PRKN: variants seen among roughly 807,000 people sequenced by gnomAD.
The protein encoded by PRKN is parkin RBR E3 ubiquitin protein ligase.
In PRKN, 56 loss-of-function variants were observed where a neutral mutation model predicts 59.5. The observed-to-expected ratio is 0.94, with a 90% CI of 0.76 to 1.18. PRKN has a LOEUF of 1.18. Ranked by LOEUF, PRKN falls within the 50% of genes most tolerant of loss-of-function variation. The pLI, the probability that PRKN is intolerant of heterozygous loss-of-function variation, is 0.00. For synonymous variants in PRKN, 250 were observed against 222.1 expected, an observed-to-expected ratio of 1.13 and a Z score of -1.12; for missense variants, 657 against 596.4, an observed-to-expected ratio of 1.10 and a Z score of -1.06.
intron 7 of PRKN, among the ~76,000 whole-genome samples, chr6:161,748,785 G>A (rs1053453271): frequency 3.9e-5 from 6 of 152,166 alleles, no homozygotes; most frequent in African/African-American, 1.4e-4. Flanking sequence ...AAACCTCTAA[G>A]AGAATTTCCC....
intron 7 of PRKN, chr6:161,783,680 G>A (rs759096254): frequency 5.9e-6 from 3 of 507,044 alleles, no homozygotes; most frequent in South Asian, 4.4e-5. Flanking sequence ...GAAGGCAGAA[G>A]GCTTACCAAA....
At chr6:161,890,399 T>C (rs150479369) in intron 6 of PRKN, among the ~76,000 whole-genome samples, 1 of 152,250 alleles carries the variant, frequency 6.6e-6, no homozygotes, top group African/African-American at 2.4e-5. Flanking sequence ...ACTCAGTAAA[T>C]GACACAGAGC....
intron 1 of PRKN, among the ~76,000 whole-genome samples, chr6:162,717,397 C>A (rs1040783976): frequency 1.3e-5 from 2 of 151,900 alleles, no homozygotes; most frequent in Admixed American, 1.3e-4. Flanking sequence ...GGCAACATAG[C>A]AAGATCCTGT....
At chr6:162,499,341 C>A (rs9356028) in intron 1 of PRKN, among the ~76,000 whole-genome samples, 74,578 of 151,974 alleles carry the variant, frequency 0.49, 18,379 homozygotes, top group Middle Eastern at 0.55. Flanking sequence ...GCAGCTGTTC[C>A]TCCTCTAGGT....
Position 161,487,708 on chromosome 6 carries a change from A to G in PRKN, c.1083+61146T>C, listed in dbSNP as rs1052343016. 2.6e-5 allele frequency among the ~76,000 whole-genome samples: 4 copies of G among 152,164 alleles called. No individual in the cohort carries two copies. The highest frequency in any genetic ancestry group is 1.3e-4 in the Admixed American group (2 of 15,280). Reference sequence around the variant, plus strand: ...AGGGGTTGTGCCTTCTTTTCCATTCATTCAGAAAAAGCGCCTATGGAGGCT... The same window carrying G: ...AGGGGTTGTGCCTTCTTTTCCATTCGTTCAGAAAAAGCGCCTATGGAGGCT... On this transcript the variant is annotated intron_variant, in intron 9 of 11. Transcript: ENST00000366898. This position sits in a 1 kb window ranked among gnomAD's most constrained non-coding sequence, Gnocchi z 5.3.
intron 2 of PRKN, among the ~76,000 whole-genome samples, chr6:162,292,378 T>A (rs1017825689): frequency 2.6e-5 from 4 of 152,154 alleles, no homozygotes; most frequent in Admixed American, 1.3e-4. Context: ...ACCTGATATA[T>A]TTTCTTTTGT....
intron 6 of PRKN, among the ~76,000 whole-genome samples, chr6:161,867,323 A>G (rs1374713227): frequency 6.6e-6 from 1 of 152,208 alleles, no homozygotes; most frequent in Non-Finnish European, 1.5e-5. Context: ...TGTTGTGACA[A>G]CATTTTATTT....
intron 6 of PRKN, among the ~76,000 whole-genome samples, chr6:161,909,842 C>G (rs555088433): frequency 6.6e-6 from 1 of 152,258 alleles, no homozygotes; most frequent in South Asian, 2.1e-4. Context: ...CTTTCATGAC[C>G]TAACGTTGTG....
At chr6:161,747,502 T>C (rs1013840090) in intron 7 of PRKN, among the ~76,000 whole-genome samples, 55 of 152,138 alleles carry the variant, frequency 3.6e-4, no homozygotes, top group African/African-American at 1.3e-3. Context: ...AGTTGACTCA[T>C]GAACTGTCAT....
intron 9 of PRKN, among the ~76,000 whole-genome samples, chr6:161,494,484 C>G (rs867807009): frequency 6.6e-6 from 1 of 152,188 alleles, no homozygotes; most frequent in African/African-American, 2.4e-5. Context: ...ATTCAAGAAA[C>G]TATTTCTATG....
intron 6 of PRKN, among the ~76,000 whole-genome samples, chr6:161,786,708 T>G (rs1253641074): frequency 6.6e-6 from 1 of 152,120 alleles, no homozygotes; most frequent in East Asian, 1.9e-4. Flanking sequence ...GTTAAACATT[T>G]TCTCACATTT....
intron 4 of PRKN, among the ~76,000 whole-genome samples, chr6:162,136,118 A>G (rs1029613692): frequency 1.1e-4 from 16 of 149,430 alleles, no homozygotes; most frequent in Admixed American, 8.0e-4. Flanking sequence ...ATAAATATAT[A>G]TAAATAAATA....
intron 4 of PRKN, among the ~76,000 whole-genome samples, chr6:162,199,929 C>T (rs981411479): frequency 1.1e-4 from 16 of 152,252 alleles, no homozygotes; most frequent in South Asian, 4.1e-4. Context: ...CATCTGCGAA[C>T]CAGATGAAAT....
chr6:162,602,663 G>C (rs950876139), intron 1 of PRKN, among the ~76,000 whole-genome samples: 7 of 152,222 alleles, frequency 4.6e-5, no homozygotes, highest in Non-Finnish European at 8.8e-5. Context: ...TATCATAGAA[G>C]TGGGCTAGAA....
chr6:161,556,482 T>C (rs1359746172), intron 8 of PRKN, among the ~76,000 whole-genome samples: 1 of 152,228 alleles, frequency 6.6e-6, no homozygotes, highest in African/African-American at 2.4e-5. Context: ...AGATCCTTAC[T>C]AAGTTACCTT....
chr6:161,472,221 G>A (rs918226002), intron 9 of PRKN, among the ~76,000 whole-genome samples: 9 of 152,236 alleles, frequency 5.9e-5, no homozygotes, highest in East Asian at 1.9e-4. Context: ...AAAGAAAAAC[G>A]TTGTAAAAAT....
intron 9 of PRKN, among the ~76,000 whole-genome samples, chr6:161,404,919 A>AT (rs1352838142): frequency 6.6e-6 from 1 of 152,202 alleles, no homozygotes; most frequent in East Asian, 1.9e-4. Flanking sequence ...CTGCAATGGA[A>AT]TGGAGTTCCA....
intron 1 of PRKN, among the ~76,000 whole-genome samples, chr6:162,533,292 G>A (rs1269143444): frequency 6.6e-6 from 1 of 152,196 alleles, no homozygotes; most frequent in Non-Finnish European, 1.5e-5. Flanking sequence ...GGGAGGCCAA[G>A]GTGGGTGGGT....
At chr6:161,649,775 G>T (rs1784084833) in intron 7 of PRKN, among the ~76,000 whole-genome samples, 1 of 152,202 alleles carries the variant, frequency 6.6e-6, no homozygotes, top group Admixed American at 6.5e-5. Context: ...ATGTCAGGTT[G>T]ACACTCCGCC....
Sources: allele counts gnomAD v4.1 joint callset (sites outside exome capture counted in the v4.1 genomes callset), GRCh38; gene constraint gnomAD v4.1.1; non-coding constraint Gnocchi (gnomAD v3.1); transcripts MANE v1.5; gene names NCBI Gene and HGNC (gene_info 2026-07-23, HGNC 2026-07-21).